Variants in ATP10D observed in about 807,000 individuals in gnomAD.
ATP10D encodes the protein phospholipid-transporting ATPase VD.
A neutral mutation model predicts 144.8 loss-of-function variants in ATP10D; 89 were observed. That is an observed-to-expected ratio of 0.61 (90% confidence interval 0.52 to 0.73). ATP10D has a LOEUF of 0.73. Ranked by LOEUF, ATP10D falls within the 30% of genes least tolerant of loss-of-function variation. The pLI, the probability that ATP10D is intolerant of heterozygous loss-of-function variation, is 0.00. For missense variants in ATP10D, 1,603 were observed against 1,714.8 expected, an observed-to-expected ratio of 0.93 and a Z score of 1.15; for synonymous variants, 571 against 615.1, an observed-to-expected ratio of 0.93 and a Z score of 1.06.
intron 22 of ATP10D, among the ~76,000 whole-genome samples, chr4:47,588,174 GT>G (rs1321319228): frequency 1.3e-5 from 2 of 152,082 alleles, no homozygotes; most frequent in Non-Finnish European, 2.9e-5. Flanking sequence ...CCCAGTTCTA[GT>G]TTAATCTGAT....
rs536455536 is a variant in ATP10D, at chr4:47,560,465, G to A, written c.2542-484G>A. ...AGATCAGGCCACTGCACTCCAGCCT[G>A]GGCCAGAGCGAGACTCTGTCTCAAA... is the stretch of plus-strand genomic sequence containing the variant. On this transcript the variant is annotated intron_variant, in intron 13 of 22. Coordinates refer to ENST00000273859, the MANE Select transcript of ATP10D (RefSeq NM_020453.4). Among the ~76,000 whole-genome samples the A allele has an allele frequency of 3.9e-5, 6 of 152,224 alleles. No homozygotes were observed. The South Asian group carries it at 1.0e-3, about 26-fold the overall frequency.
At chr4:47,568,225 G>C (rs2109459661) in intron 15 of ATP10D, among the ~76,000 whole-genome samples, 1 of 152,348 alleles carries the variant, frequency 6.6e-6, no homozygotes, top group East Asian at 1.9e-4. Flanking sequence ...GAATGCAAGT[G>C]CCATGAGGGC....
intron 5 of ATP10D, among the ~76,000 whole-genome samples, chr4:47,526,646 A>G (rs896618950): frequency 1.5e-4 from 23 of 152,218 alleles, no homozygotes; most frequent in Admixed American, 6.5e-5. Flanking sequence ...CCAAAAAACT[A>G]CTAGAAATAA....
chr4:47,554,160 T>C (rs563672369), intron 10 of ATP10D, among the ~76,000 whole-genome samples: 1 of 152,340 alleles, frequency 6.6e-6, no homozygotes, highest in Non-Finnish European at 1.5e-5. Flanking sequence ...ATGTATGTGG[T>C]GATCAGAAAT....
chr4:47,555,277 T>C (rs1261691374), intron 11 of ATP10D, among the ~76,000 whole-genome samples: 1 of 152,190 alleles, frequency 6.6e-6, no homozygotes, highest in African/African-American at 2.4e-5. Context: ...GGGATCTAGG[T>C]TGTGCCCTCC....
intron 1 of ATP10D, among the ~76,000 whole-genome samples, chr4:47,494,356 A>C (rs1164963904): frequency 3.9e-5 from 6 of 152,058 alleles, no homozygotes; most frequent in African/African-American, 1.4e-4. Context: ...ATGCTTTTGA[A>C]GTGGTAAGGA....
chr4:47,579,652 G>GA (rs1720411939), intron 19 of ATP10D, among the ~76,000 whole-genome samples: 1 of 152,208 alleles, frequency 6.6e-6, no homozygotes, highest in African/African-American at 2.4e-5. Context: ...GGAAAAGAAT[G>GA]AAAAAGGTCC....
In ATP10D at chr4:47,485,353, G is replaced by A. The variant is rs1714687035; in HGVS notation, c.-204G>A. On this transcript the variant is annotated 5_prime_UTR_variant, in exon 1 of 23. Coordinates refer to ENST00000273859, the MANE Select transcript of ATP10D (RefSeq NM_020453.4). ...AGCACAGGCTCCGGCGCTGGCTCCCGCAGCTGAGTTTGGGAGATGTCTAAG... is the reference window on the plus strand; with the variant it reads ...AGCACAGGCTCCGGCGCTGGCTCCCACAGCTGAGTTTGGGAGATGTCTAAG... The A allele has an allele frequency of 1.3e-5, 2 of 152,128 alleles. No individual in the cohort carries two copies. Among genetic ancestry groups the A allele is most frequent in the Non-Finnish European group, 2.9e-5 (2 of 68,074 alleles). The allele number at this position is 152,128 out of a possible 1,614,324, so 9.4% of individuals were successfully genotyped here.
chr4:47,585,397 G>A (rs6823760), intron 21 of ATP10D, among the ~76,000 whole-genome samples: 45,232 of 151,692 alleles, frequency 0.3, 6,900 homozygotes, highest in Admixed American at 0.36. Flanking sequence ...TATTTATTAT[G>A]TACATGAGAT....
chr4:47,580,092 C>G (rs1482410040), intron 19 of ATP10D, among the ~76,000 whole-genome samples: 2 of 152,156 alleles, frequency 1.3e-5, no homozygotes, highest in African/African-American at 2.4e-5. Flanking sequence ...AGTTTTGAAA[C>G]AGTACTTTCT....
chr4:47,554,523 G>A (rs1718878813), intron 10 of ATP10D, among the ~76,000 whole-genome samples: 1 of 152,080 alleles, frequency 6.6e-6, no homozygotes, highest in Admixed American at 6.5e-5. Flanking sequence ...GTGCATTCTG[G>A]ATTATCCATT....
At chr4:47,496,673 G>A (rs1715393950) in intron 1 of ATP10D, among the ~76,000 whole-genome samples, 1 of 152,016 alleles carries the variant, frequency 6.6e-6, no homozygotes. Flanking sequence ...TGCTAACTCT[G>A]TCTTAAATTC....
At chr4:47,524,897 G>T (rs1316791882) in intron 4 of ATP10D, among the ~76,000 whole-genome samples, 2 of 148,192 alleles carry the variant, frequency 1.3e-5, no homozygotes, top group East Asian at 3.9e-4. Flanking sequence ...TATTAATTAT[G>T]ATATATCAAT....
At chr4:47,527,397 A>T (rs1455344532) in intron 5 of ATP10D, among the ~76,000 whole-genome samples, 4 of 152,150 alleles carry the variant, frequency 2.6e-5, no homozygotes, top group Non-Finnish European at 5.9e-5. Context: ...TTATGCAAAG[A>T]TTTCTTAGAT....
intron 10 of ATP10D, among the ~76,000 whole-genome samples, chr4:47,548,854 A>G (rs34872589): frequency 0.24 from 36,145 of 152,190 alleles, 4,302 homozygotes; most frequent in Admixed American, 0.3. Context: ...AGAAAACTAC[A>G]TAATATTTGA....
At chr4:47,558,874 G>A (rs761214242) in intron 12 of ATP10D, 49 bp from the exon 13 acceptor site, 12 of 1,410,408 alleles carry the variant, frequency 8.5e-6, no homozygotes, top group South Asian at 4.9e-5. Flanking sequence ...AAGTATTTCT[G>A]TAATTTGGCA....
At chr4:47,519,937 C>G (rs1258806033) in intron 3 of ATP10D, among the ~76,000 whole-genome samples, 1 of 152,122 alleles carries the variant, frequency 6.6e-6, no homozygotes, top group Non-Finnish European at 1.5e-5. Flanking sequence ...GTTTCTAGAC[C>G]TGAGCTAGCC....
At chr4:47,569,959 T>G (rs1719865406) in intron 16 of ATP10D, among the ~76,000 whole-genome samples, 1 of 152,040 alleles carries the variant, frequency 6.6e-6, no homozygotes, top group Admixed American at 6.5e-5. Context: ...TGCGGGTTAT[T>G]AAAGGCCAGA....
At chr4:47,526,956 A>G (rs191236354) in intron 5 of ATP10D, among the ~76,000 whole-genome samples, 25 of 152,284 alleles carry the variant, frequency 1.6e-4, no homozygotes, top group African/African-American at 4.8e-4. Context: ...GAAATTGACA[A>G]TCTTATTTTA....
Sources: allele counts gnomAD v4.1 joint callset (sites outside exome capture counted in the v4.1 genomes callset), GRCh38; gene constraint gnomAD v4.1.1; transcripts MANE v1.5; gene names NCBI Gene and HGNC (gene_info 2026-07-23, HGNC 2026-07-21).